Variants in RGS7 observed in about 807,000 individuals in gnomAD.
RGS7 encodes the protein regulator of G-protein signaling 7.
RGS7 carries 27 observed loss-of-function variants against 81.1 expected under a neutral mutation model. The observed-to-expected ratio is 0.33, with a 90% CI of 0.25 to 0.46. RGS7 has a LOEUF of 0.46. RGS7 is among the 20% of genes least tolerant of loss of function. The pLI is 1.00. For missense variants in RGS7, 396 were observed against 607.4 expected, an observed-to-expected ratio of 0.65 and a Z score of 3.66; for synonymous variants, 208 against 207.7, an observed-to-expected ratio of 1.00 and a Z score of -0.01.
intron 2 of RGS7, among the ~76,000 whole-genome samples, chr1:241,176,781 G>A (rs548469256): frequency 2.6e-5 from 4 of 152,172 alleles, no homozygotes; most frequent in Admixed American, 1.3e-4. Context: ...AGGGAAAGAT[G>A]GACAAACAGA....
At chr1:241,067,697 T>C (rs550069725) in intron 3 of RGS7, among the ~76,000 whole-genome samples, 1 of 152,064 alleles carries the variant, frequency 6.6e-6, no homozygotes, top group South Asian at 2.1e-4. Flanking sequence ...TTATTTTTAA[T>C]AGAGATGGGG....
chr1:240,950,501 T>C (rs1176829048), intron 4 of RGS7, among the ~76,000 whole-genome samples: 1 of 152,102 alleles, frequency 6.6e-6, no homozygotes, highest in East Asian at 1.9e-4. Context: ...CAAAATAGTT[T>C]GGGAAAGCTA....
chr1:241,240,648 G>C (rs904578731), intron 2 of RGS7, among the ~76,000 whole-genome samples: 1 of 152,064 alleles, frequency 6.6e-6, no homozygotes, highest in South Asian at 2.1e-4. Context: ...CATATAGTTA[G>C]AAATTGTATG....
intron 2 of RGS7, among the ~76,000 whole-genome samples, chr1:241,132,661 T>G (rs563630046): frequency 6.6e-6 from 1 of 152,306 alleles, no homozygotes; most frequent in Non-Finnish European, 1.5e-5. Context: ...TACATTAGCC[T>G]CAAATTTCAC....
At chr1:241,160,494 AC>A (rs2069560878) in intron 2 of RGS7, among the ~76,000 whole-genome samples, 2 of 151,334 alleles carry the variant, frequency 1.3e-5, no homozygotes, top group Admixed American at 6.6e-5. Flanking sequence ...AAGGTGAAAC[AC>A]GTAGCAATCA....
At chr1:241,356,214 G>A (rs1401047648) in intron 1 of RGS7, among the ~76,000 whole-genome samples, 1 of 151,952 alleles carries the variant, frequency 6.6e-6, no homozygotes, top group East Asian at 1.9e-4. Flanking sequence ...GGCAACACCT[G>A]GGGGATGCGG....
chr1:240,986,861 C>A lies in RGS7; in HGVS notation c.176-3732G>T. On this transcript the variant is annotated intron_variant, in intron 3 of 18. Coordinates refer to ENST00000440928, the MANE Select transcript of RGS7 (RefSeq NM_001364886.1). ...CCTCCCAAAGTGCTGGGATTACAGGCGTGAGCCACCGCGCCCGGCCTAAAC... is the reference window on the plus strand; with the variant it reads ...CCTCCCAAAGTGCTGGGATTACAGGAGTGAGCCACCGCGCCCGGCCTAAAC... Among the ~76,000 whole-genome samples, 2 of 1,370 alleles carry A rather than the reference C, an allele frequency of 1.5e-3. 1 individual carries two copies. Among genetic ancestry groups the A allele is most frequent in the Non-Finnish European group, 2.8e-3 (2 of 712 alleles). The allele number at this position is 1,370 out of a possible 152,430, so 0.9% of individuals were successfully genotyped here.
At chr1:240,862,230 T>A (rs1264373053) in intron 9 of RGS7, among the ~76,000 whole-genome samples, 1 of 152,166 alleles carries the variant, frequency 6.6e-6, no homozygotes, top group Non-Finnish European at 1.5e-5. Flanking sequence ...GAATGATTAT[T>A]CTGTGTCAAT....
chr1:241,023,334 G>T (rs1023105190), intron 3 of RGS7, among the ~76,000 whole-genome samples: 1 of 152,108 alleles, frequency 6.6e-6, no homozygotes, highest in Non-Finnish European at 1.5e-5. Flanking sequence ...TGCTCCTTTA[G>T]GTGTAAATCT....
intron 2 of RGS7, among the ~76,000 whole-genome samples, chr1:241,234,701 G>A (rs568907760): frequency 1.5e-4 from 23 of 152,208 alleles, no homozygotes; most frequent in South Asian, 2.1e-4. Context: ...GCTTTAGGCT[G>A]TTATTTCCTT....
At chr1:240,838,716 C>CT (rs1175376972) in intron 9 of RGS7, among the ~76,000 whole-genome samples, 4 of 151,908 alleles carry the variant, frequency 2.6e-5, no homozygotes, top group African/African-American at 9.7e-5. Context: ...ACAACAGAGT[C>CT]TTTCTTGATG....
At chr1:241,208,008 C>T (rs1025282356) in intron 2 of RGS7, among the ~76,000 whole-genome samples, 7 of 152,050 alleles carry the variant, frequency 4.6e-5, no homozygotes, top group African/African-American at 9.7e-5. Context: ...CAGGTTCAAG[C>T]GATTCTCCTT....
rs150196994 is a variant in RGS7, at chr1:241,018,293, T to C, written c.176-35164A>G. ...CCACCATACCCTGCCTCGCCTTGTC[T>C]CTTTAGACTGTGTTTTTTCCTCATG... is the stretch of plus-strand genomic sequence containing the variant. On this transcript the variant is annotated intron_variant, in intron 3 of 18. Coordinates refer to ENST00000440928, the MANE Select transcript of RGS7 (RefSeq NM_001364886.1). Among the ~76,000 whole-genome samples, 625 of 152,110 alleles carry C rather than the reference T, an allele frequency of 4.1e-3. 2 individuals are homozygous for C. Among genetic ancestry groups the C allele is most frequent in the Middle Eastern group, 0.014 (4 of 294 alleles).
chr1:241,289,336 T>C (rs1355506321), intron 2 of RGS7, among the ~76,000 whole-genome samples: 2 of 152,184 alleles, frequency 1.3e-5, no homozygotes, highest in African/African-American at 4.8e-5. Context: ...GCCCACTCAT[T>C]ATTCAAATTT....
chr1:241,008,516 T>G (rs528646356), intron 3 of RGS7, among the ~76,000 whole-genome samples: 1 of 152,104 alleles, frequency 6.6e-6, no homozygotes, highest in Non-Finnish European at 1.5e-5. Context: ...ACCTGAGGAG[T>G]GTAAATCAAC....
rs1193619517 is a variant in RGS7 at position 240,814,716 on chromosome 1, C to T, written c.845G>A (p.Ser282Asn). 2 of 1,572,690 alleles carry T rather than the reference C, an allele frequency of 1.3e-6. No homozygotes were observed. The highest frequency in any genetic ancestry group is 8.8e-7 in the Non-Finnish European group (1 of 1,142,820). ...HRLKMSKVADSLLSYTEQYLE... is the reference protein window; with the variant it reads ...HRLKMSKVADNLLSYTEQYLE... The stretch of plus-strand genomic sequence containing the variant: ...TATACAGACACTTTGAAATACTCAC[C>T]TGTCAGCGACTTTTGACATTTTTAA... Residue 282 changes from serine (S) to asparagine (N), a missense_variant and splice_region_variant, in exon 12 of 19, where the codon AGT becomes AAT. Physicochemically the swap from Ser to Asn is conservative, Grantham distance 46. Transcript: ENST00000440928.
chr1:241,166,297 A>T (rs939558782), intron 2 of RGS7, among the ~76,000 whole-genome samples: 4 of 152,226 alleles, frequency 2.6e-5, no homozygotes, highest in Admixed American at 2.6e-4. Flanking sequence ...GCAGACAAAG[A>T]AGTCAGCGTA....
chr1:240,861,435 A>G (rs1662173117), intron 9 of RGS7, among the ~76,000 whole-genome samples: 1 of 152,002 alleles, frequency 6.6e-6, no homozygotes, highest in South Asian at 2.1e-4. Flanking sequence ...TATGAATCTC[A>G]TTTTCTATCC....
At chr1:241,028,129 A>T (rs1386747014) in intron 3 of RGS7, among the ~76,000 whole-genome samples, 1 of 152,208 alleles carries the variant, frequency 6.6e-6, no homozygotes, top group Non-Finnish European at 1.5e-5. Context: ...GAAGCCAGTG[A>T]TGTTCACTAA....
Sources: gnomAD v4.1 joint callset for allele counts (sites outside exome capture counted in the v4.1 genomes callset) on GRCh38, gnomAD v4.1.1 for gene constraint, MANE v1.5 for transcripts, NCBI Gene and HGNC (gene_info 2026-07-23, HGNC 2026-07-21) for gene names.